FREM1: variants seen among roughly 807,000 people sequenced by gnomAD.
The protein encoded by FREM1 is FRAS1 related extracellular matrix 1, also known as FRAS1-related extracellular matrix protein 1.
FREM1 carries 220 observed loss-of-function variants against 210.1 expected under a neutral mutation model. The ratio of observed to expected loss-of-function variants is 1.05; its 90% confidence interval spans 0.94 to 1.17. The LOEUF (loss-of-function observed/expected upper bound fraction) is 1.17, where lower values mean the gene tolerates loss of function less well. FREM1 is among the 50% of genes most tolerant of loss of function. FREM1 has a pLI of 0.00. For synonymous variants in FREM1, 1,189 were observed against 980.2 expected (o/e 1.21, Z -3.98); for missense variants, 3,454 against 2,675.5 (o/e 1.29, Z -6.42).
chr9:14,840,726 C>A (rs1825533184), intron 10 of FREM1, among the ~76,000 whole-genome samples: 1 of 152,144 alleles, frequency 6.6e-6, no homozygotes, highest in South Asian at 2.1e-4. Context: ...TTTCAGCTGT[C>A]CTTTTTTAAA....
At position 14,836,293 on chromosome 9, in the gene FREM1, T is replaced by C. The variant is rs953592178; in HGVS notation, c.1881+5154A>G. On this transcript the variant is annotated intron_variant, in intron 10 of 36. Coordinates refer to ENST00000380880, the MANE Select transcript of FREM1 (RefSeq NM_001379081.2). The surrounding 1 kb of genome is among the most constrained non-coding windows in gnomAD (Gnocchi z 4.9). The stretch of plus-strand genomic sequence containing the variant: ...GGACAGAGAGTTTTCATTGCTGTAG[T>C]ATTTTGCTTAATTATTATCCTTATA... 6.6e-6 allele frequency among the ~76,000 whole-genome samples: 1 copy of C among 152,246 alleles called. No individual in the cohort carries two copies. Among genetic ancestry groups the C allele is most frequent in the Non-Finnish European group, 1.5e-5 (1 of 68,036 alleles).
intron 3 of FREM1, among the ~76,000 whole-genome samples, chr9:14,862,746 T>A (rs1194026487): frequency 4.6e-5 from 7 of 152,226 alleles, no homozygotes; most frequent in Non-Finnish European, 1.0e-4. Context: ...TGTGACACTT[T>A]GTGCCTGGCT....
In FREM1 at chr9:14,812,868, A is replaced by G. The variant is rs780826762; in HGVS notation, c.2837T>C (p.Val946Ala). The G allele has an allele frequency of 6.2e-6, 10 of 1,613,744 alleles. No homozygotes were observed. Among genetic ancestry groups the G allele is most frequent in the Middle Eastern group, 3.3e-4 (2 of 6,080 alleles). ...AACATCTCTCTGAGAGAACTGATCC[A>G]CTGTGACTCCAGCTCTCCTCACCAC... ...HGVVRRAGVT[V>A]DQFSQRDVIS... Residue 946 changes from valine to alanine, a missense_variant, in exon 16 of 37, where the codon GTG becomes GCG. Transcript: ENST00000380880.
intron 24 of FREM1, among the ~76,000 whole-genome samples, chr9:14,776,510 C>T (rs144599208): frequency 1.8e-3 from 274 of 152,184 alleles, no homozygotes; most frequent in African/African-American, 5.9e-3. Flanking sequence ...GGTTCCTTGA[C>T]GCAAATAAAA....
At chr9:14,823,933 G>A (rs1377299692) in intron 12 of FREM1, 92 bp downstream of exon 12, 1 of 616,284 alleles carries the variant, frequency 1.6e-6, no homozygotes, top group Non-Finnish European at 2.7e-6. Flanking sequence ...GGATGTCAAA[G>A]ACCAACATTC....
intron 25 of FREM1, among the ~76,000 whole-genome samples, chr9:14,774,786 G>A (rs1453610269): frequency 2.0e-5 from 3 of 152,158 alleles, no homozygotes; most frequent in African/African-American, 7.2e-5. Context: ...GTCAACAAAT[G>A]TGGCAGTGTA....
At chr9:14,820,599 C>T (rs1588164622) in intron 13 of FREM1, among the ~76,000 whole-genome samples, 4 of 152,336 alleles carry the variant, frequency 2.6e-5, no homozygotes, top group Admixed American at 2.6e-4. Flanking sequence ...AGTGCTGGTA[C>T]CAACTCCAGG....
At chr9:14,895,256 C>T (rs1038727238) in intron 1 of FREM1, among the ~76,000 whole-genome samples, 4 of 152,136 alleles carry the variant, frequency 2.6e-5, no homozygotes, top group Non-Finnish European at 5.9e-5. Context: ...AATAATCAGG[C>T]CAAGTATAAT....
chr9:14,782,966 C>T (rs1306765112), intron 24 of FREM1, among the ~76,000 whole-genome samples: 1 of 152,182 alleles, frequency 6.6e-6, no homozygotes, highest in Non-Finnish European at 1.5e-5. Context: ...CTTCACTACT[C>T]CATCTCTCAA....
At chr9:14,783,331 T>C (rs912954330) in intron 24 of FREM1, among the ~76,000 whole-genome samples, 11 of 152,214 alleles carry the variant, frequency 7.2e-5, no homozygotes, top group African/African-American at 2.7e-4. Context: ...ACAGTGATAC[T>C]TGATAGTTTA....
At chr9:14,900,493 C>A (rs956705687) in intron 1 of FREM1, among the ~76,000 whole-genome samples, 1 of 152,078 alleles carries the variant, frequency 6.6e-6, no homozygotes, top group Non-Finnish European at 1.5e-5. Flanking sequence ...TGGAACGCAG[C>A]GGTAGGACTA....
chr9:14,799,396 A>G (rs1853091883), intron 20 of FREM1, among the ~76,000 whole-genome samples: 1 of 152,194 alleles, frequency 6.6e-6, no homozygotes, highest in African/African-American at 2.4e-5. Context: ...AAAGTTTTTA[A>G]AAAATGTAGC....
At chr9:14,813,984 C>T (rs1874106) in intron 15 of FREM1, among the ~76,000 whole-genome samples, 4,713 of 152,250 alleles carry the variant, frequency 0.031, 220 homozygotes, top group African/African-American at 0.1. Flanking sequence ...TTATCCCATG[C>T]TATGGGGTGC....
chr9:14,904,901 T>A (rs570578961), intron 1 of FREM1, among the ~76,000 whole-genome samples: 3 of 152,256 alleles, frequency 2.0e-5, no homozygotes, highest in African/African-American at 4.8e-5. Context: ...TTTGCAGGTT[T>A]TGTCCATTCT....
At chr9:14,878,372 T>A (rs1053051574) in intron 1 of FREM1, among the ~76,000 whole-genome samples, 2 of 152,126 alleles carry the variant, frequency 1.3e-5, no homozygotes, top group Non-Finnish European at 2.9e-5. Context: ...TGTCTCTGAC[T>A]TGAACGTTCT....
intron 21 of FREM1, among the ~76,000 whole-genome samples, chr9:14,795,815 T>C (rs566151379): frequency 2.0e-5 from 3 of 152,326 alleles, no homozygotes; most frequent in South Asian, 2.1e-4. Context: ...GAATCTAATA[T>C]ACTGTCTGTC....
At chr9:14,887,951 C>T (rs1836108734) in intron 1 of FREM1, among the ~76,000 whole-genome samples, 1 of 152,148 alleles carries the variant, frequency 6.6e-6, no homozygotes, top group Admixed American at 6.5e-5. Flanking sequence ...GTGCTCGCCA[C>T]CATGCCCAGC....
chr9:14,827,137 G>A (rs1822609463), intron 10 of FREM1, among the ~76,000 whole-genome samples: 1 of 150,094 alleles, frequency 6.7e-6, no homozygotes, highest in Admixed American at 6.7e-5. Context: ...ATCATAAAGG[G>A]CAATTCTGGT....
chr9:14,783,420 G>A (rs1037530778), intron 24 of FREM1, among the ~76,000 whole-genome samples: 1 of 152,196 alleles, frequency 6.6e-6, no homozygotes, highest in Non-Finnish European at 1.5e-5. Context: ...GTATTGTGAC[G>A]TGGTGAAAAT....
Sources: allele counts gnomAD v4.1 joint callset (sites outside exome capture counted in the v4.1 genomes callset), GRCh38; gene constraint gnomAD v4.1.1; non-coding constraint Gnocchi (gnomAD v3.1); transcripts MANE v1.5; gene names NCBI Gene and HGNC (gene_info 2026-07-23, HGNC 2026-07-21).